Variants in ZNF407 observed in about 807,000 individuals in gnomAD.
ZNF407 encodes zinc finger protein 407.
In ZNF407, 17 loss-of-function variants were observed where a neutral mutation model predicts 131.2. The ratio of observed to expected loss-of-function variants is 0.13; its 90% CI spans 0.09 to 0.19. The LOEUF (loss-of-function observed/expected upper bound fraction) is 0.19, where lower values mean the gene tolerates loss of function less well. ZNF407 is among the 10% of genes least tolerant of loss of function. ZNF407 has a pLI of 1.00. For synonymous variants in ZNF407, 1,156 were observed against 1,062.0 expected (o/e 1.09, Z -1.72); for missense variants, 2,681 against 2,830.6 (o/e 0.95, Z 1.20).
intron 1 of ZNF407, among the ~76,000 whole-genome samples, chr18:74,621,322 A>G (rs1983500376): frequency 6.6e-6 from 1 of 152,138 alleles, no homozygotes; most frequent in Admixed American, 6.5e-5. Context: ...TAAAGCAATA[A>G]GCATTTATCA....
chr18:74,826,424 G>A (rs1970410874), intron 4 of ZNF407, among the ~76,000 whole-genome samples: 2 of 152,118 alleles, frequency 1.3e-5, no homozygotes, highest in African/African-American at 4.8e-5. Context: ...TTAGGCAGTT[G>A]GCTCAAGAGC....
intron 7 of ZNF407, among the ~76,000 whole-genome samples, chr18:74,904,612 C>T (rs898308462): frequency 6.6e-6 from 1 of 152,170 alleles, no homozygotes; most frequent in East Asian, 1.9e-4. Context: ...CCTACCATTT[C>T]TTCCTTGTGA....
At chr18:74,606,670 C>T (rs1379970747) in intron 1 of ZNF407, among the ~76,000 whole-genome samples, 1 of 152,142 alleles carries the variant, frequency 6.6e-6, no homozygotes, top group Non-Finnish European at 1.5e-5. Context: ...ATTATGTCGG[C>T]ACACCTGAGG....
chr18:74,760,253 TG>T (rs1269046744), intron 3 of ZNF407, among the ~76,000 whole-genome samples: 2 of 152,186 alleles, frequency 1.3e-5, no homozygotes, highest in African/African-American at 4.8e-5. Flanking sequence ...TCTGTTGCAT[TG>T]TGGAATGTGC....
chr18:74,623,012 A>G (rs9949982), intron 1 of ZNF407, among the ~76,000 whole-genome samples: 98,415 of 149,788 alleles, frequency 0.66, 32,716 homozygotes, highest in East Asian at 0.82. Context: ...GTTAGTCTGA[A>G]TGTGAGTTGG....
intron 8 of ZNF407, among the ~76,000 whole-genome samples, chr18:75,037,631 A>C (rs1973324945): frequency 6.6e-6 from 1 of 152,178 alleles, no homozygotes; most frequent in South Asian, 2.1e-4. Flanking sequence ...TACAGCTCAA[A>C]GGTTAAGACA....
At chr18:75,013,759 T>A (rs1049376591) in intron 8 of ZNF407, among the ~76,000 whole-genome samples, 2 of 152,082 alleles carry the variant, frequency 1.3e-5, no homozygotes, top group African/African-American at 4.8e-5. Context: ...GGAACCTTTT[T>A]CTGAAGGGCA....
At position 75,064,635 on chromosome 18, in the gene ZNF407, G is replaced by T; in HGVS notation, c.*167G>T. Reference sequence around the variant, plus strand: ...GAGAGTCACACTGGCCACCAGCCAGGCGCCCACAGAGGGTACCGTGGGCTG... The same window carrying T: ...GAGAGTCACACTGGCCACCAGCCAGTCGCCCACAGAGGGTACCGTGGGCTG... On this transcript the variant is annotated 3_prime_UTR_variant, in exon 9 of 9. Coordinates refer to ENST00000299687, the MANE Select transcript of ZNF407 (RefSeq NM_017757.3). 1.6e-6 allele frequency: 1 copy of T among 642,578 alleles called. No individual in the cohort carries two copies. The highest frequency in any genetic ancestry group is 2.4e-6 in the Non-Finnish European group (1 of 411,554). The allele number at this position is 642,578 out of a possible 1,614,324, so 39.8% of individuals were successfully genotyped here.
chr18:74,982,335 T>G (rs1487530325), intron 8 of ZNF407, among the ~76,000 whole-genome samples: 2 of 152,226 alleles, frequency 1.3e-5, no homozygotes, highest in Non-Finnish European at 2.9e-5. Context: ...CCAGACATTC[T>G]ATAGTCTCTT....
intron 8 of ZNF407, among the ~76,000 whole-genome samples, chr18:75,039,474 G>C (rs900047383): frequency 6.6e-6 from 1 of 152,198 alleles, no homozygotes; most frequent in Admixed American, 6.5e-5. Context: ...TGTGACAACA[G>C]GACTTGTATT....
At position 74,633,049 on chromosome 18, in the gene ZNF407, A is replaced by G. The variant is rs747114545; in HGVS notation, c.2030A>G (p.Asp677Gly). The G allele has an allele frequency of 1.9e-6, 3 of 1,613,932 alleles. No homozygotes were observed. The highest frequency in any genetic ancestry group is 2.5e-6 in the Non-Finnish European group (3 of 1,179,898). ...ESENAKESMD[D>G]SGKASQEEPL... ...GAAAACGCAAAAGAGTCTATGGATG[A>G]CTCAGGAAAAGCATCTCAGGAAGAA... Residue 677 changes from aspartate to glycine, a missense_variant, in exon 2 of 9, where the codon GAC becomes GGC. Transcript: ENST00000299687.
At chr18:74,692,687 C>G (rs1230660953) in intron 3 of ZNF407, among the ~76,000 whole-genome samples, 1 of 152,134 alleles carries the variant, frequency 6.6e-6, no homozygotes, top group African/African-American at 2.4e-5. Context: ...TGAATTCCTG[C>G]CCCGCCCCTG....
chr18:74,980,820 A>G (rs1972583770), intron 8 of ZNF407, among the ~76,000 whole-genome samples: 1 of 152,164 alleles, frequency 6.6e-6, no homozygotes, highest in South Asian at 2.1e-4. Flanking sequence ...CAGCAGAGGA[A>G]AGAAAGGGAG....
intron 7 of ZNF407, among the ~76,000 whole-genome samples, chr18:74,919,883 T>C (rs141240040): frequency 1.3e-5 from 2 of 152,298 alleles, no homozygotes; most frequent in African/African-American, 4.8e-5. Flanking sequence ...CCACCCCTGA[T>C]TTCAGTGGCA....
chr18:75,064,164 CGGA>C lies in ZNF407; in HGVS notation c.6448_6450del (p.Glu2150del). ...GGGGAGATCTCGCAGATCATCGTGA[CGGA>C]GGAGCTGGTCCAGGCCATGGTGCAG... On this transcript the variant is annotated inframe_deletion, in exon 9 of 9. Coordinates refer to ENST00000299687, the MANE Select transcript of ZNF407 (RefSeq NM_017757.3). The C allele has an allele frequency of 1.2e-6, 2 of 1,605,294 alleles. No individual in the cohort carries two copies. Among genetic ancestry groups the C allele is most frequent in the Non-Finnish European group, 1.7e-6 (2 of 1,176,236 alleles).
chr18:74,713,764 C>G (rs1967826445), intron 3 of ZNF407, among the ~76,000 whole-genome samples: 1 of 151,942 alleles, frequency 6.6e-6, no homozygotes, highest in Non-Finnish European at 1.5e-5. Flanking sequence ...TTTTAAATTA[C>G]TATTGGGTAT....
At chr18:74,763,604 A>G (rs570382940) in intron 3 of ZNF407, among the ~76,000 whole-genome samples, 8 of 151,952 alleles carry the variant, frequency 5.3e-5, no homozygotes, top group Non-Finnish European at 1.0e-4. Flanking sequence ...AGTTTCTACT[A>G]CAAGTGTGTA....
At chr18:74,608,970 TG>T (rs1186465274) in intron 1 of ZNF407, among the ~76,000 whole-genome samples, 9 of 152,166 alleles carry the variant, frequency 5.9e-5, no homozygotes, top group African/African-American at 2.2e-4. Context: ...ATTTTTTTTT[TG>T]ATTTTGGTGC....
intron 7 of ZNF407, among the ~76,000 whole-genome samples, chr18:74,901,463 G>A (rs552128960): frequency 6.6e-6 from 1 of 152,300 alleles, no homozygotes; most frequent in East Asian, 1.9e-4. Flanking sequence ...TCCTAAAGTA[G>A]GTTACTTCTA....
Sources: allele counts gnomAD v4.1 joint callset (sites outside exome capture counted in the v4.1 genomes callset), GRCh38; gene constraint gnomAD v4.1.1; transcripts MANE v1.5; gene names NCBI Gene and HGNC (gene_info 2026-07-23, HGNC 2026-07-21).